GALNT13: variants seen among roughly 807,000 people sequenced by gnomAD.
GALNT13 encodes the protein polypeptide N-acetylgalactosaminyltransferase 13.
A neutral mutation model predicts 64.2 loss-of-function variants in GALNT13; 28 were observed. The observed-to-expected ratio is 0.44, with a 90% CI of 0.32 to 0.60. The LOEUF (loss-of-function observed/expected upper bound fraction) is 0.60, where lower values mean the gene tolerates loss of function less well. GALNT13 is among the 20% of genes least tolerant of loss of function. The pLI is 0.05. For missense variants in GALNT13, 577 were observed against 669.8 expected (o/e 0.86, Z 1.53); for synonymous variants, 214 against 224.6 (o/e 0.95, Z 0.42).
At chr2:154,152,816 CT>C (rs1403264554) in intron 4 of GALNT13, among the ~76,000 whole-genome samples, 2 of 152,162 alleles carry the variant, frequency 1.3e-5, no homozygotes, top group African/African-American at 4.8e-5. Flanking sequence ...ATTGGTTATT[CT>C]AGTTCTACAT....
chr2:154,155,051 G>A lies in GALNT13; in HGVS notation c.311+14546G>A, dbSNP rs1460993045. ...ATTAATTTTGCACATAAGAACATTA[G>A]ATAAATCAAAATATTATGGAAACTA... On this transcript the variant is annotated intron_variant, in intron 4 of 12. Transcript: ENST00000392825. Among the ~76,000 whole-genome samples, 5 of 151,778 alleles carry A rather than the reference G, an allele frequency of 3.3e-5. No homozygotes were observed. The South Asian group carries it at 6.2e-4, about 19-fold the overall frequency.
the GALNT13 span, among the ~76,000 whole-genome samples, chr2:153,819,004 A>G: frequency 6.6e-6 from 1 of 152,164 alleles, no homozygotes; most frequent in Admixed American, 6.5e-5. Flanking sequence ...CCTTCAGGAC[A>G]CATACACATT....
At chr2:153,175,233 CTCTTGGTCTTTCATTGTATCT>C in the GALNT13 span, among the ~76,000 whole-genome samples, 2 of 152,264 alleles carry the variant, frequency 1.3e-5, no homozygotes, top group East Asian at 3.9e-4. Context: ...GAAAGTTATA[CTCTTGGTCTTTCATTGTATCT>C]TCTGTCCCTA....
chr2:154,181,460 A>G (rs1685954702), intron 4 of GALNT13, among the ~76,000 whole-genome samples: 1 of 152,100 alleles, frequency 6.6e-6, no homozygotes, highest in Non-Finnish European at 1.5e-5. Context: ...TAAAATAACA[A>G]TTTTAGGTTT....
chr2:153,943,658 C>A (rs1427884804), intron 2 of GALNT13, among the ~76,000 whole-genome samples: 2 of 151,958 alleles, frequency 1.3e-5, no homozygotes, highest in African/African-American at 4.8e-5. Flanking sequence ...CCATGCCTGG[C>A]TAATTTTTGT....
At chr2:153,082,043 G>A in the GALNT13 span, among the ~76,000 whole-genome samples, 2 of 152,154 alleles carry the variant, frequency 1.3e-5, no homozygotes, top group Non-Finnish European at 2.9e-5. Flanking sequence ...GTTGTTGCCT[G>A]TCTGTTGGAT....
intron 8 of GALNT13, among the ~76,000 whole-genome samples, chr2:154,263,049 C>T (rs1257791061): frequency 6.6e-6 from 1 of 152,020 alleles, no homozygotes; most frequent in Non-Finnish European, 1.5e-5. Flanking sequence ...TCATTTTGCC[C>T]ATTCTAAAAT....
At chr2:154,312,957 G>T (rs963563649) in intron 9 of GALNT13, among the ~76,000 whole-genome samples, 1 of 151,976 alleles carries the variant, frequency 6.6e-6, no homozygotes, top group Non-Finnish European at 1.5e-5. Context: ...TTCTTGAATT[G>T]TATCTTGAAT....
At chr2:153,654,137 T>C in the GALNT13 span, among the ~76,000 whole-genome samples, 16 of 151,938 alleles carry the variant, frequency 1.1e-4, no homozygotes, top group East Asian at 1.9e-4. Context: ...ATATGGGAGA[T>C]AGAGAAACAA....
intron 4 of GALNT13, among the ~76,000 whole-genome samples, chr2:154,180,335 A>T (rs920977647): frequency 6.6e-6 from 1 of 152,050 alleles, no homozygotes; most frequent in Non-Finnish European, 1.5e-5. Context: ...TATTTACTTT[A>T]ACATAGCTAG....
chr2:153,827,044 T>C, the GALNT13 span, among the ~76,000 whole-genome samples: 16 of 152,024 alleles, frequency 1.1e-4, no homozygotes, highest in African/African-American at 3.9e-4. Context: ...ACTGGACAAT[T>C]TACAAAAGAA....
chr2:154,350,634 T>TA (rs1483541943), intron 9 of GALNT13, among the ~76,000 whole-genome samples: 3 of 152,194 alleles, frequency 2.0e-5, no homozygotes, highest in Non-Finnish European at 4.4e-5. Context: ...ATTAACTCAC[T>TA]TTCCTGTATA....
chr2:153,540,806 A>T, the GALNT13 span, among the ~76,000 whole-genome samples: 1 of 152,158 alleles, frequency 6.6e-6, no homozygotes, highest in African/African-American at 2.4e-5. Context: ...AATTTCTCCC[A>T]TTTGGAATGT....
the GALNT13 span, among the ~76,000 whole-genome samples, chr2:153,648,682 T>C: frequency 1.3e-5 from 2 of 152,284 alleles, no homozygotes; most frequent in South Asian, 2.1e-4. Context: ...TGAAGGGCTG[T>C]TGAATTTTGT....
intron 3 of GALNT13, among the ~76,000 whole-genome samples, chr2:154,038,841 T>C (rs1211072936): frequency 6.6e-6 from 1 of 151,754 alleles, no homozygotes. Flanking sequence ...TAGGAGAAAA[T>C]ATTTGCAAAT....
the GALNT13 span, chr2:153,420,873 G>A: frequency 7.3e-5 from 18 of 245,608 alleles, no homozygotes; most frequent in Admixed American, 7.5e-4. Flanking sequence ...AATGGCTATG[G>A]TGTTGCTCAG....
At chr2:153,774,468 C>G in the GALNT13 span, among the ~76,000 whole-genome samples, 136,093 of 152,252 alleles carry the variant, frequency 0.89, 61,852 homozygotes, top group African/African-American at 0.97. Flanking sequence ...AGAATGCAGA[C>G]TTCAAGTAAA....
intron 12 of GALNT13, among the ~76,000 whole-genome samples, chr2:154,439,147 GACAAGATTA>G (rs1381563760): frequency 2.0e-5 from 3 of 152,230 alleles, no homozygotes; most frequent in South Asian, 4.1e-4. Context: ...AACAATATCT[GACAAGATTA>G]ACAAGATTTC....
chr2:153,520,433 C>A, the GALNT13 span, among the ~76,000 whole-genome samples: 1 of 152,040 alleles, frequency 6.6e-6, no homozygotes, highest in African/African-American at 2.4e-5. Context: ...TTTGGGCTTT[C>A]AAAATTTTAT....
Sources: gnomAD v4.1 joint callset for allele counts (sites outside exome capture counted in the v4.1 genomes callset) on GRCh38, gnomAD v4.1.1 for gene constraint, MANE v1.5 for transcripts, NCBI Gene and HGNC (gene_info 2026-07-23, HGNC 2026-07-21) for gene names.